IARS2: variants seen among roughly 807,000 people sequenced by gnomAD.
IARS2 encodes the protein isoleucine--tRNA ligase, mitochondrial.
A neutral mutation model predicts 126.3 loss-of-function variants in IARS2; 56 were observed. The observed-to-expected ratio is 0.44, with a 90% CI of 0.36 to 0.55. The LOEUF (loss-of-function observed/expected upper bound fraction) is 0.55. Among genes scored for constraint, IARS2 ranks in the 20% least tolerant of loss-of-function variants. The probability of loss-of-function intolerance (pLI) is 0.00; values close to 1 mark genes in which losing one functional copy is unlikely to be tolerated. For missense variants in IARS2, 1,127 were observed against 1,245.9 expected (o/e 0.90, Z 1.44); for synonymous variants, 407 against 441.1 (o/e 0.92, Z 0.97).
At position 220,103,525 on chromosome 1, in the gene IARS2, T is replaced by C; in HGVS notation, c.1029T>C (p.Thr343=). 3 of 1,612,946 alleles carry C rather than the reference T, an allele frequency of 1.9e-6. No individual in the cohort carries two copies. Among genetic ancestry groups the C allele is most frequent in the African/African-American group, 1.3e-5 (1 of 75,038 alleles). Residue 343 remains threonine (T), a synonymous_variant, in exon 8 of 23, where the codon ACT becomes ACC. Transcript: ENST00000366922. The part of the protein sequence containing the change: ...AADKVASVAS[T]LETTFETIST... ...ATAAAGTAGCATCTGTTGCTTCTACTTTGGAAACAACATTTGAGACTATTT... is the reference window on the plus strand; with the variant it reads ...ATAAAGTAGCATCTGTTGCTTCTACCTTGGAAACAACATTTGAGACTATTT...
At chr1:220,105,175 A>G (rs1231377268) in intron 8 of IARS2, among the ~76,000 whole-genome samples, 1 of 152,176 alleles carries the variant, frequency 6.6e-6, no homozygotes, top group Non-Finnish European at 1.5e-5. Context: ...CCTGGGCTCA[A>G]GCAATCTTCC....
chr1:220,142,034 C>A, intron 20 of IARS2, 86 bp downstream of exon 20: 1 of 1,296,264 alleles, frequency 7.7e-7, no homozygotes, highest in Non-Finnish European at 1.1e-6. Flanking sequence ...ATAAAAGGGG[C>A]ACTTATCCAT....
chr1:220,097,985 C>T (rs1173090431), intron 2 of IARS2, among the ~76,000 whole-genome samples: 2 of 152,164 alleles, frequency 1.3e-5, no homozygotes. Flanking sequence ...CGCCATTCTC[C>T]TGCCTCAGTC....
chr1:220,108,856 CT>C (rs35836043), intron 10 of IARS2, among the ~76,000 whole-genome samples: 159 of 68,236 alleles, frequency 2.3e-3, no homozygotes, highest in African/African-American at 5.4e-3. Flanking sequence ...TGTGAATCCT[CT>C]TTTTTTTTTT....
At chr1:220,146,798 A>C (rs536617420) in intron 22 of IARS2, among the ~76,000 whole-genome samples, 64 of 152,160 alleles carry the variant, frequency 4.2e-4, no homozygotes, top group Middle Eastern at 3.4e-3. Flanking sequence ...CAGCCTCCCA[A>C]GTGGCTGGGA....
Position 220,117,816 on chromosome 1 carries a change from A to G in IARS2, c.1640+3342A>G, listed in dbSNP as rs749882896. 11 of 508,356 alleles carry G rather than the reference A, an allele frequency of 2.2e-5. 1 individual carries two copies. Among genetic ancestry groups the G allele is most frequent in the South Asian group, 1.3e-4 (9 of 67,372 alleles). 31.5% of individuals were successfully genotyped at this position (508,356 alleles called of 1,614,324 possible). On this transcript the variant is annotated intron_variant, in intron 12 of 22. Coordinates refer to ENST00000366922, the MANE Select transcript of IARS2 (RefSeq NM_018060.4). ...ACAGATTATCTTCTGTGTACCTGCC[A>G]TTGCGTTGGTTGCGTGGTGTTAGTC...
chr1:220,122,369 C>T (rs1193993962), intron 12 of IARS2, among the ~76,000 whole-genome samples: 1 of 152,170 alleles, frequency 6.6e-6, no homozygotes, highest in African/African-American at 2.4e-5. Context: ...TTCCTCACTT[C>T]ATCTCTGATA....
chr1:220,123,206 A>G (rs1657084269), intron 12 of IARS2, among the ~76,000 whole-genome samples: 1 of 152,074 alleles, frequency 6.6e-6, no homozygotes, highest in Admixed American at 6.6e-5. Flanking sequence ...ATGTAACTAA[A>G]TACTATTGTC....
Position 220,141,937 on chromosome 1 carries a change from C to T in IARS2, c.2549C>T (p.Pro850Leu). Reference protein sequence around the residue: ...HLAEEVFQHIPYIKEPKSVFR... With the variant: ...HLAEEVFQHILYIKEPKSVFR... ...GCTGAAGAGGTGTTCCAGCACATAC[C>T]TTATATTAAAGGTAAGGAATACTTC... is the stretch of plus-strand genomic sequence containing the variant. Residue 850 changes from proline to leucine, a missense_variant, in exon 20 of 23, where the codon CCT (proline) becomes CTT (leucine). Transcript: ENST00000366922. 6.2e-7 allele frequency: 1 copy of T among 1,613,460 alleles called. No individual in the cohort carries two copies. Among genetic ancestry groups the T allele is most frequent in the Non-Finnish European group, 8.5e-7 (1 of 1,179,790 alleles).
rs1233097195 is a variant in IARS2 at position 220,111,632 on chromosome 1, C to T, written c.1479+695C>T. Among the ~76,000 whole-genome samples, 5 of 143,338 alleles carry T rather than the reference C, an allele frequency of 3.5e-5. No homozygotes were observed. In the South Asian group the frequency reaches 1.1e-3, roughly 32 times the overall value. The allele number at this position is 143,338 out of a possible 152,430, so 94.0% of individuals were successfully genotyped here. A position where few individuals can be genotyped will look rare whatever the true frequency, so the allele number is the denominator to read the frequency against. On this transcript the variant is annotated intron_variant, in intron 11 of 22. Coordinates refer to ENST00000366922, the MANE Select transcript of IARS2 (RefSeq NM_018060.4). ...TGTGTGTGTGTGTGTGTGTAAACAT[C>T]TCTCACAACTTGATTCTATTTAATG...
rs2789789 is a variant in IARS2 at position 220,102,991 on chromosome 1, A to G, written c.950+214A>G. ...AAAATGAAATAGAAGTATAAGTTACAAAGTGTTTTGAAAATAGTACAGTTT... is the reference window on the plus strand; with the variant it reads ...AAAATGAAATAGAAGTATAAGTTACGAAGTGTTTTGAAAATAGTACAGTTT... On this transcript the variant is annotated intron_variant, in intron 7 of 22. Coordinates refer to ENST00000366922, the MANE Select transcript of IARS2 (RefSeq NM_018060.4). Among the ~76,000 whole-genome samples the G allele has an allele frequency of 0.47, 70,921 of 151,968 alleles. 17,711 individuals carry two copies. The highest frequency in any genetic ancestry group is 0.64 in the African/African-American group (26,580 of 41,462).
intron 8 of IARS2, among the ~76,000 whole-genome samples, chr1:220,104,306 G>T (rs190572348): frequency 1.1e-4 from 16 of 152,160 alleles, no homozygotes. Context: ...CTATAATTTG[G>T]GACTTTTGAG....
chr1:220,098,500 C>A (rs991511030), intron 2 of IARS2, among the ~76,000 whole-genome samples: 1 of 152,088 alleles, frequency 6.6e-6, no homozygotes, highest in Non-Finnish European at 1.5e-5. Context: ...CTTTTTTCTC[C>A]ATAGTGTGTG....
chr1:220,126,526 T>C (rs562447775), intron 13 of IARS2, among the ~76,000 whole-genome samples: 1 of 152,310 alleles, frequency 6.6e-6, no homozygotes, highest in African/African-American at 2.4e-5. Context: ...AAAAACCAAT[T>C]CATATTACAT....
At chr1:220,139,212 C>T (rs1571863817) in intron 18 of IARS2, 73 bp downstream of exon 18, 1 of 1,220,260 alleles carries the variant, frequency 8.2e-7, no homozygotes, top group African/African-American at 1.5e-5. Context: ...TTAGTTTTAT[C>T]TGAGTGGAAC....
intron 1 of IARS2, 119 bp downstream of exon 1, chr1:220,094,602 C>T (rs900346533): frequency 1.1e-5 from 9 of 826,786 alleles, no homozygotes; most frequent in Non-Finnish European, 1.5e-5. Context: ...GGGGGTGTGA[C>T]CAGATTGGTG....
At chr1:220,127,715 G>A (rs770671802) in intron 14 of IARS2, among the ~76,000 whole-genome samples, 1 of 152,134 alleles carries the variant, frequency 6.6e-6, no homozygotes, top group Non-Finnish European at 1.5e-5. Flanking sequence ...CACACAATAG[G>A]ATTCCTAGTA....
At chr1:220,144,548 C>T (rs1409252734) in intron 21 of IARS2, among the ~76,000 whole-genome samples, 6 of 152,190 alleles carry the variant, frequency 3.9e-5, no homozygotes, top group Admixed American at 6.5e-5. Context: ...AAATTTAAAA[C>T]TTGGGAAGCT....
At chr1:220,095,182 G>A (rs1656412113) in intron 1 of IARS2, among the ~76,000 whole-genome samples, 1 of 152,144 alleles carries the variant, frequency 6.6e-6, no homozygotes, top group African/African-American at 2.4e-5. Context: ...GGGATTACAG[G>A]TGCGCACCAC....
Sources: allele counts gnomAD v4.1 joint callset (sites outside exome capture counted in the v4.1 genomes callset), GRCh38; gene constraint gnomAD v4.1.1; transcripts MANE v1.5; gene names NCBI Gene and HGNC (gene_info 2026-07-23, HGNC 2026-07-21).